The following UBXN6 variants were observed in gnomAD, a reference collection of about 807,000 sequenced individuals.
UBXN6 encodes UBX domain protein 6, also known as UBX domain-containing protein 6.
Under a neutral mutation model 51.4 loss-of-function variants are expected in UBXN6, and 44 were observed. The ratio of observed to expected loss-of-function variants is 0.86; its 90% CI spans 0.67 to 1.10. The LOEUF (loss-of-function observed/expected upper bound fraction) is 1.10. Among genes scored for constraint, UBXN6 ranks in the 50% least tolerant of loss-of-function variants. The pLI, the probability that UBXN6 is intolerant of heterozygous loss-of-function variation, is 0.00. For missense variants in UBXN6, 672 were observed against 596.1 expected (o/e 1.13, Z -1.32); for synonymous variants, 316 against 263.2 (o/e 1.20, Z -1.94).
At chr19:4,455,108 C>A (rs1276946707) in intron 1 of UBXN6, 1 of 680,210 alleles carries the variant, frequency 1.5e-6, no homozygotes, top group Admixed American at 6.3e-5. Context: ...AGTTCCGTAA[C>A]CCACGTGGCA....
intron 4 of UBXN6, chr19:4,450,815 C>T (rs1446102919): frequency 1.0e-5 from 1 of 98,310 alleles, no homozygotes; most frequent in African/African-American, 3.7e-5. Context: ...AATAAAAAGA[C>T]AAACTATCTA....
At chr19:4,447,310 G>C in intron 6 of UBXN6, 1 of 581,126 alleles carries the variant, frequency 1.7e-6, no homozygotes, top group Non-Finnish European at 3.1e-6. Context: ...AGCTGAAGAG[G>C]AGGAAAAGGA....
At position 4,453,476 on chromosome 19, in the gene UBXN6, C is replaced by T; in HGVS notation, c.294G>A (p.Glu98=). 1 of 1,613,776 alleles carries T rather than the reference C, an allele frequency of 6.2e-7. No homozygotes were observed. Among genetic ancestry groups the T allele is most frequent in the South Asian group, 1.1e-5 (1 of 90,984 alleles). ...QAEATVSGSP[E]APGTNVVSEP... is the part of the protein sequence containing the mutation. ...TTCTTACCACGTTGGTCCCTGGGGCCTCGGGGCTCCCGCTGACGGTGGCTT... is the reference window on the plus strand; with the variant it reads ...TTCTTACCACGTTGGTCCCTGGGGCTTCGGGGCTCCCGCTGACGGTGGCTT... The change falls in exon 3 of 11, where the codon GAG becomes GAA. Residue 98 remains glutamate, a synonymous_variant. Transcript: ENST00000301281.
At chr19:4,448,791 C>T (rs1568190666) in intron 4 of UBXN6, 3 of 246,832 alleles carry the variant, frequency 1.2e-5, no homozygotes, top group Middle Eastern at 1.5e-3. Context: ...CCACCATGGA[C>T]GCCCCATCCC....
chr19:4,447,467 C>T, intron 6 of UBXN6, 83 bp downstream of exon 6: 1 of 1,503,700 alleles, frequency 6.7e-7, no homozygotes, highest in Non-Finnish European at 9.2e-7. Flanking sequence ...GAGCCCACCG[C>T]CTGGTGTGGG....
intron 5 of UBXN6, 55 bp from the exon 6 acceptor site, chr19:4,447,680 C>A (rs1006115308): frequency 1.0e-5 from 16 of 1,570,050 alleles, no homozygotes; most frequent in African/African-American, 1.4e-5. Flanking sequence ...CACCCGGCCC[C>A]TCTGTGCCTC....
chr19:4,452,493 C>T lies in UBXN6; in HGVS notation c.313-1G>A, dbSNP rs1294603997. The stretch of plus-strand genomic sequence containing the variant: ...AGCCTTCCTCTCTGGGCTCAGATAC[C>T]TGGGGCGGTGAAAGCGTCCAAGTCT... On this transcript the variant is annotated splice_acceptor_variant, in intron 3 of 10. Coordinates refer to ENST00000301281, the MANE Select transcript of UBXN6 (RefSeq NM_025241.3). LOFTEE classifies it high-confidence loss of function. 2.5e-6 allele frequency: 4 copies of T among 1,610,024 alleles called. No individual in the cohort carries two copies. The highest frequency in any genetic ancestry group is 2.7e-5 in the African/African-American group (2 of 74,826).
Position 4,457,602 on chromosome 19 carries a change from G to C in UBXN6, c.83+13C>G. On this transcript the variant is annotated intron_variant, in intron 1 of 10. Transcript: ENST00000301281. Reference sequence around the variant, plus strand: ...GCCCCGCAGGGCCTCAAGCCCCTGCGTTCCTCACGCACCCCACGGACTCTT... The same window carrying C: ...GCCCCGCAGGGCCTCAAGCCCCTGCCTTCCTCACGCACCCCACGGACTCTT... 6.3e-7 allele frequency: 1 copy of C among 1,588,552 alleles called. No individual in the cohort carries two copies. Among genetic ancestry groups the C allele is most frequent in the Non-Finnish European group, 8.5e-7 (1 of 1,169,758 alleles).
chr19:4,447,228 T>C, intron 6 of UBXN6: 1 of 570,604 alleles, frequency 1.8e-6, no homozygotes, highest in Non-Finnish European at 3.1e-6. Flanking sequence ...CCCTGCCCTT[T>C]CCCCCAGAAG....
chr19:4,453,388 C>T lies in UBXN6; in HGVS notation c.312+70G>A. 2.6e-6 allele frequency: 4 copies of T among 1,547,564 alleles called. No individual in the cohort carries two copies. In the South Asian group the frequency reaches 4.6e-5, roughly 18 times the overall value. On this transcript the variant is annotated intron_variant, in intron 3 of 10. Transcript: ENST00000301281. ...TGAGCCCCAAGGGCAGAGGCCACATCTCCCCCGTGACACAGTCAAGCTGTC... is the reference window on the plus strand; with the variant it reads ...TGAGCCCCAAGGGCAGAGGCCACATTTCCCCCGTGACACAGTCAAGCTGTC...
In UBXN6 at chr19:4,445,158, C is replaced by T. The variant is rs763970890; in HGVS notation, c.*340G>A. 3 of 295,148 alleles carry T rather than the reference C, an allele frequency of 1.0e-5. No homozygotes were observed. Among genetic ancestry groups the T allele is most frequent in the Non-Finnish European group, 2.0e-5 (3 of 153,198 alleles). The allele number at this position is 295,148 out of a possible 1,614,324, so 18.3% of individuals were successfully genotyped here. ...CACTGCCACCCACGGCACACGGGAA[C>T]AGGACCCATGCTGCAGGCCTGCTCT... On this transcript the variant is annotated 3_prime_UTR_variant, in exon 11 of 11. Coordinates refer to ENST00000301281, the MANE Select transcript of UBXN6 (RefSeq NM_025241.3).
intron 1 of UBXN6, among the ~76,000 whole-genome samples, chr19:4,456,609 T>TAGCTCCACTTCTTCCCC (rs1464186136): frequency 3.9e-5 from 6 of 152,048 alleles, no homozygotes; most frequent in African/African-American, 1.4e-4. Flanking sequence ...GCACCTTCCC[T>TAGCTCCACTTCTTCCCC]AGCTCCACTT....
Position 4,445,500 on chromosome 19 carries a change from A to G in UBXN6, c.1324T>C (p.Ter442ArgextTer88). 6.2e-7 allele frequency: 1 copy of G among 1,613,700 alleles called. No individual in the cohort carries two copies. The highest frequency in any genetic ancestry group is 1.1e-5 in the South Asian group (1 of 91,076). The change falls in exon 11 of 11, where the codon TGA becomes CGA. Residue 442 changes from the stop codon to arginine, a stop_lost. Coordinates refer to ENST00000301281, the MANE Select transcript of UBXN6 (RefSeq NM_025241.3). ...ELLSAIEKLL* is the reference protein window; with the variant it reads ...ELLSAIEKLLR ...CTGAGGCCAACCCTGCTTTTATTTCACAAGAGCTTCTCGATGGCTGACAGG... is the reference window on the plus strand; with the variant it reads ...CTGAGGCCAACCCTGCTTTTATTTCGCAAGAGCTTCTCGATGGCTGACAGG...
intron 4 of UBXN6, 89 bp from the exon 5 acceptor site, chr19:4,448,504 A>G (rs1320061730): frequency 1.8e-6 from 2 of 1,095,848 alleles, no homozygotes; most frequent in Non-Finnish European, 2.7e-6. Context: ...AGGAAAAGGA[A>G]GGCAGAACAG....
At position 4,445,636 on chromosome 19, in the gene UBXN6, T is replaced by G; in HGVS notation, c.1201-13A>C. The G allele has an allele frequency of 6.2e-7, 1 of 1,610,814 alleles. No individual in the cohort carries two copies. On this transcript the variant is annotated splice_polypyrimidine_tract_variant and intron_variant, in intron 10 of 10. Transcript: ENST00000301281. ...GGGCAGAGGGCACCTGCGGTAGGGG[T>G]AGGCCGTCACTCTGAGACCGAGAGT... is the stretch of plus-strand genomic sequence containing the variant.
At position 4,457,754 on chromosome 19, in the gene UBXN6, T is replaced by G. The variant is rs1599684060; in HGVS notation, c.-57A>C. On this transcript the variant is annotated 5_prime_UTR_variant, in exon 1 of 11. Coordinates refer to ENST00000301281, the MANE Select transcript of UBXN6 (RefSeq NM_025241.3). ...GGGGGCGGGGGGGCACGGGGCCCAGTCGGGGACGGGGCCGCCGGAGACCAG... is the reference window on the plus strand; with the variant it reads ...GGGGGCGGGGGGGCACGGGGCCCAGGCGGGGACGGGGCCGCCGGAGACCAG... 15 of 863,220 alleles carry G rather than the reference T, an allele frequency of 1.7e-5. No homozygotes were observed. The highest frequency in any genetic ancestry group is 4.4e-5 in the Admixed American group (1 of 22,568). The allele number at this position is 863,220 out of a possible 1,614,324, so 53.5% of individuals were successfully genotyped here.
chr19:4,456,216 C>T (rs1395294040), intron 1 of UBXN6, among the ~76,000 whole-genome samples: 1 of 151,548 alleles, frequency 6.6e-6, no homozygotes, highest in Non-Finnish European at 1.5e-5. Context: ...GTGGCCCCAG[C>T]ACCCCCCACC....
chr19:4,448,265 G>T, intron 5 of UBXN6, 53 bp downstream of exon 5: 1 of 1,478,624 alleles, frequency 6.8e-7, no homozygotes, highest in Non-Finnish European at 9.2e-7. Flanking sequence ...CAGTGGGAGG[G>T]GTGCTGGGAT....
chr19:4,453,819 T>C, intron 2 of UBXN6, 111 bp downstream of exon 2: 5 of 1,466,068 alleles, frequency 3.4e-6, no homozygotes, highest in Non-Finnish European at 4.6e-6. Context: ...CTCCCAAGGG[T>C]GACCCTCACA....
Sources: gnomAD v4.1 joint callset for allele counts (sites outside exome capture counted in the v4.1 genomes callset) on GRCh38, gnomAD v4.1.1 for gene constraint, MANE v1.5 for transcripts, NCBI Gene and HGNC (gene_info 2026-07-23, HGNC 2026-07-21) for gene names.